The following IRF6 variants were observed in gnomAD, a reference collection of about 807,000 sequenced individuals.
IRF6 encodes interferon regulatory factor 6.
In IRF6, 6 loss-of-function variants were observed where a neutral mutation model predicts 51.4. The ratio of observed to expected loss-of-function variants is 0.12; its 90% CI spans 0.06 to 0.23. The LOEUF (loss-of-function observed/expected upper bound fraction) is 0.23, where lower values mean the gene tolerates loss of function less well. IRF6 is among the 10% of genes least tolerant of loss of function. The probability of loss-of-function intolerance (pLI) is 1.00; values close to 1 mark genes in which losing one functional copy is unlikely to be tolerated. For missense variants in IRF6, 348 were observed against 585.2 expected (o/e 0.59, Z 4.18); for synonymous variants, 178 against 215.7 (o/e 0.83, Z 1.53).
chr1:209,804,086 AATG>A (rs1206308151), intron 1 of IRF6, among the ~76,000 whole-genome samples: 3 of 152,204 alleles, frequency 2.0e-5, no homozygotes, highest in African/African-American at 7.2e-5. Context: ...ATTTTCCTAC[AATG>A]ATATGTTTCA....
chr1:209,791,519 G>A lies in IRF6; in HGVS notation c.668-632C>T, dbSNP rs957127768. On this transcript the variant is annotated intron_variant, in intron 6 of 8. Coordinates refer to ENST00000367021, the MANE Select transcript of IRF6 (RefSeq NM_006147.4). ...AGTGTGAAAGGGAGACCCAAGCAAT[G>A]ACATTGATTCGTCATTGAGATAAAT... Among the ~76,000 whole-genome samples the A allele has an allele frequency of 5.9e-5, 9 of 152,148 alleles. 1 individual carries two copies. Among genetic ancestry groups the A allele is most frequent in the African/African-American group, 4.8e-5 (2 of 41,426 alleles).
Position 209,788,360 on chromosome 1 carries a change from A to G in IRF6, c.*60T>C. On this transcript the variant is annotated 3_prime_UTR_variant, in exon 9 of 9. Transcript: ENST00000367021. ...TTTAAAAGCTGGTTAAATCTAAACAATAAAAAAATCCATATGTACAATATT... is the reference window on the plus strand; with the variant it reads ...TTTAAAAGCTGGTTAAATCTAAACAGTAAAAAAATCCATATGTACAATATT... 4 of 1,160,492 alleles carry G rather than the reference A, an allele frequency of 3.4e-6. No individual in the cohort carries two copies. Among genetic ancestry groups the G allele is most frequent in the South Asian group, 2.5e-5 (2 of 79,974 alleles). 71.9% of individuals were successfully genotyped at this position (1,160,492 alleles called of 1,614,324 possible).
rs571075469 is a variant in IRF6 at position 209,797,855 on chromosome 1, C to T, written c.175-1303G>A. Among the ~76,000 whole-genome samples the T allele has an allele frequency of 1.2e-4, 18 of 152,164 alleles. No homozygotes were observed. In the East Asian group the frequency reaches 3.3e-3, roughly 28 times the overall value. Reference sequence around the variant, plus strand: ...GCAGGAGTACAACTTGTTCTGATGCCGAAAAAGTAGGTACCATTAGCAGAC... The same window carrying T: ...GCAGGAGTACAACTTGTTCTGATGCTGAAAAAGTAGGTACCATTAGCAGAC... On this transcript the variant is annotated intron_variant, in intron 3 of 8. Transcript: ENST00000367021.
intron 1 of IRF6, among the ~76,000 whole-genome samples, chr1:209,803,033 T>C (rs1001557770): frequency 2.0e-5 from 3 of 152,162 alleles, no homozygotes; most frequent in Admixed American, 6.5e-5. Flanking sequence ...CCTGGGAGCA[T>C]AGTGGGTAGG....
At chr1:209,791,837 G>A (rs752888538) in intron 6 of IRF6, among the ~76,000 whole-genome samples, 5 of 152,202 alleles carry the variant, frequency 3.3e-5, no homozygotes, top group Non-Finnish European at 5.9e-5. Context: ...CCAGACTGGA[G>A]TGCAATGGCA....
In IRF6 at chr1:209,796,634, A is replaced by ACACAAAC; in HGVS notation, c.175-83_175-82insGTTTGTG. ...GTGCTTACCCTTTCTCATAGACACA[A>ACACAAAC]ACACACACACACACACACACACACA... On this transcript the variant is annotated intron_variant, in intron 3 of 8. Transcript: ENST00000367021. This position sits in a 1 kb window ranked among gnomAD's most constrained non-coding sequence, Gnocchi z 4.5. 1 of 585,334 alleles carries ACACAAAC rather than the reference A, an allele frequency of 1.7e-6. No homozygotes were observed. The highest frequency in any genetic ancestry group is 2.9e-5 in the East Asian group (1 of 33,950). The allele number at this position is 585,334 out of a possible 1,614,324, so 36.3% of individuals were successfully genotyped here.
At chr1:209,792,158 G>T in intron 6 of IRF6, 111 bp downstream of exon 6, 1 of 1,205,934 alleles carries the variant, frequency 8.3e-7, no homozygotes, top group Non-Finnish European at 1.2e-6. Flanking sequence ...GGATGCCTCT[G>T]AGACAGGTAG....
In IRF6 at chr1:209,792,330, T is replaced by C; in HGVS notation, c.606A>G (p.Val202=). The change falls in exon 6 of 9, where the codon GTA becomes GTG. Residue 202 remains valine, a synonymous_variant. Coordinates refer to ENST00000367021, the MANE Select transcript of IRF6 (RefSeq NM_006147.4). Reference sequence around the variant, plus strand: ...AGAAGGGCTGTATAGGTGCCTGGGGTACTTCCATCTCCAGGGGTTCAGTTT... The same window carrying C: ...AGAAGGGCTGTATAGGTGCCTGGGGCACTTCCATCTCCAGGGGTTCAGTTT... The part of the protein sequence containing the change: ...WPKTEPLEME[V]PQAPIQPFYS... The C allele has an allele frequency of 6.2e-7, 1 of 1,614,018 alleles. No homozygotes were observed. The highest frequency in any genetic ancestry group is 8.5e-7 in the Non-Finnish European group (1 of 1,179,870).
chr1:209,802,693 A>G (rs1265616761), intron 1 of IRF6, among the ~76,000 whole-genome samples: 1 of 152,204 alleles, frequency 6.6e-6, no homozygotes, highest in Admixed American at 6.5e-5. Context: ...AAGGAGGGGA[A>G]GATAAATAGG....
chr1:209,801,488 C>T, intron 2 of IRF6, 72 bp from the exon 3 acceptor site: 3 of 1,206,684 alleles, frequency 2.5e-6, no homozygotes, highest in East Asian at 2.4e-5. Context: ...TTCCCAGCCA[C>T]CTTTCCCATC....
At chr1:209,797,370 CA>C (rs11418099) in intron 3 of IRF6, among the ~76,000 whole-genome samples, 208 of 48,588 alleles carry the variant, frequency 4.3e-3, no homozygotes, top group East Asian at 0.023. Context: ...AACTTCATCT[CA>C]AAAAAAAAAA....
Position 209,786,233 on chromosome 1 carries a change from AT to A in IRF6, c.*2186del, listed in dbSNP as rs2077832819. ...GAATCCCTGCATGTACTCTCCCGGC[AT>A]TCTGAAAAGAAGCCAAAACAAGGAA... On this transcript the variant is annotated 3_prime_UTR_variant, in exon 9 of 9. Coordinates refer to ENST00000367021, the MANE Select transcript of IRF6 (RefSeq NM_006147.4). 1 of 152,248 alleles carries A rather than the reference AT, an allele frequency of 6.6e-6. No homozygotes were observed. The highest frequency in any genetic ancestry group is 2.4e-5 in the African/African-American group (1 of 41,464). 9.4% of individuals were successfully genotyped at this position (152,248 alleles called of 1,614,324 possible).
intron 3 of IRF6, among the ~76,000 whole-genome samples, chr1:209,800,410 A>T (rs1172919606): frequency 1.3e-5 from 2 of 152,234 alleles, no homozygotes; most frequent in Admixed American, 1.3e-4. Flanking sequence ...TTGTAATTAA[A>T]TCACCTTTGA....
At position 209,790,016 on chromosome 1, in the gene IRF6, C is replaced by T. The variant is rs2077859711; in HGVS notation, c.1061-231G>A. ...CAAATATATTGAACAGTACAAATTA[C>T]AGAGGGTTCTCTTGGACATCATTGA... On this transcript the variant is annotated intron_variant, in intron 7 of 8. Coordinates refer to ENST00000367021, the MANE Select transcript of IRF6 (RefSeq NM_006147.4). The surrounding 1 kb of genome is among the most constrained non-coding windows in gnomAD (Gnocchi z 4.8). 6.6e-6 allele frequency among the ~76,000 whole-genome samples: 1 copy of T among 152,200 alleles called. No individual in the cohort carries two copies. Among genetic ancestry groups the T allele is most frequent in the East Asian group, 1.9e-4 (1 of 5,196 alleles).
At chr1:209,797,179 T>G (rs780242734) in intron 3 of IRF6, among the ~76,000 whole-genome samples, 5 of 152,024 alleles carry the variant, frequency 3.3e-5, no homozygotes, top group Non-Finnish European at 7.4e-5. Context: ...GAGACCAGCC[T>G]GACCAACGCG....
rs1281823901 is a variant in IRF6, at chr1:209,796,499, T to A, written c.228A>T (p.Pro76=). ...AGCGCAGCTGGGCCTTCCATTTAGCTGGGTCAGGGTCATCCACCCCTTCCT... is the reference window on the plus strand; with the variant it reads ...AGCGCAGCTGGGCCTTCCATTTAGCAGGGTCAGGGTCATCCACCCCTTCCT... ...KYQEGVDDPD[P]AKWKAQLRCA... is the part of the protein sequence containing the mutation. Residue 76 remains proline, a synonymous_variant, in exon 4 of 9, where the codon CCA becomes CCT. Transcript: ENST00000367021. The surrounding 1 kb of genome is among the most constrained non-coding windows in gnomAD (Gnocchi z 4.5). 2.5e-6 allele frequency: 4 copies of A among 1,613,790 alleles called. No individual in the cohort carries two copies. Among genetic ancestry groups the A allele is most frequent in the Non-Finnish European group, 3.4e-6 (4 of 1,180,036 alleles).
In IRF6 at chr1:209,796,652, C is replaced by CAT. The variant is rs891772835; in HGVS notation, c.175-101_175-100insAT. ...AGACACAAACACACACACACACACA[C>CAT]ACACACACACACACACACACACACA... On this transcript the variant is annotated intron_variant, in intron 3 of 8. Coordinates refer to ENST00000367021, the MANE Select transcript of IRF6 (RefSeq NM_006147.4). This position sits in a 1 kb window ranked among gnomAD's most constrained non-coding sequence, Gnocchi z 4.5. 2 of 778,824 alleles carry CAT rather than the reference C, an allele frequency of 2.6e-6. No homozygotes were observed. The highest frequency in any genetic ancestry group is 4.4e-6 in the Non-Finnish European group (2 of 457,510). The allele number at this position is 778,824 out of a possible 1,614,324, so 48.2% of individuals were successfully genotyped here. A position where few individuals can be genotyped will look rare whatever the true frequency, so the allele number is the denominator to read the frequency against.
At position 209,792,436 on chromosome 1, in the gene IRF6, A is replaced by C; in HGVS notation, c.509-9T>G. 6.2e-7 allele frequency: 1 copy of C among 1,613,574 alleles called. No homozygotes were observed. Among genetic ancestry groups the C allele is most frequent in the Non-Finnish European group, 8.5e-7 (1 of 1,179,976 alleles). ...TGGCGCCATGGGAGAACCTAAAACAAAAGCATATGGTGAGCAGACAGGGGT... is the reference window on the plus strand; with the variant it reads ...TGGCGCCATGGGAGAACCTAAAACACAAGCATATGGTGAGCAGACAGGGGT... On this transcript the variant is annotated splice_polypyrimidine_tract_variant and intron_variant, in intron 5 of 8. Coordinates refer to ENST00000367021, the MANE Select transcript of IRF6 (RefSeq NM_006147.4).
At position 209,796,676 on chromosome 1, in the gene IRF6, C is replaced by CA. The variant is rs1491021033; in HGVS notation, c.175-125dup. 10 of 759,914 alleles carry CA rather than the reference C, an allele frequency of 1.3e-5. No individual in the cohort carries two copies. The highest frequency in any genetic ancestry group is 1.1e-4 in the South Asian group (7 of 64,164). 47.1% of individuals were successfully genotyped at this position (759,914 alleles called of 1,614,324 possible). On this transcript the variant is annotated intron_variant, in intron 3 of 8. Coordinates refer to ENST00000367021, the MANE Select transcript of IRF6 (RefSeq NM_006147.4). This position sits in a 1 kb window ranked among gnomAD's most constrained non-coding sequence, Gnocchi z 4.5. ...ACACACACACACACACACACACACA[C>CA]AACTTTTGCATGACTGCCCCATCAT...
Sources: allele counts gnomAD v4.1 joint callset (sites outside exome capture counted in the v4.1 genomes callset), GRCh38; gene constraint gnomAD v4.1.1; non-coding constraint Gnocchi (gnomAD v3.1); transcripts MANE v1.5; gene names NCBI Gene and HGNC (gene_info 2026-07-23, HGNC 2026-07-21).